ACYP2: variants seen among roughly 807,000 people sequenced by gnomAD.
ACYP2 encodes acylphosphatase-2.
Under a neutral mutation model 11.2 loss-of-function variants are expected in ACYP2, and 12 were observed. The observed-to-expected ratio is 1.08, with a 90% CI of 0.69 to 1.74. The LOEUF is 1.74. ACYP2 is among the 40% of genes most tolerant of loss of function. The probability of loss-of-function intolerance (pLI) is 0.00; values close to 1 mark genes in which losing one functional copy is unlikely to be tolerated. For missense variants in ACYP2, 134 were observed against 101.9 expected, an observed-to-expected ratio of 1.31 and a Z score of -1.35; for synonymous variants, 43 against 32.2, an observed-to-expected ratio of 1.33 and a Z score of -1.13.
At chr2:54,228,258 A>C (rs1053486057) in intron 6 of ACYP2, among the ~76,000 whole-genome samples, 2 of 152,244 alleles carry the variant, frequency 1.3e-5, no homozygotes, top group African/African-American at 4.8e-5. Flanking sequence ...TCATTGAGCA[A>C]AGGTCTAAAG....
At chr2:54,164,518 G>C (rs1443346373) in intron 6 of ACYP2, among the ~76,000 whole-genome samples, 1 of 152,146 alleles carries the variant, frequency 6.6e-6, no homozygotes, top group Non-Finnish European at 1.5e-5. Context: ...ATAGGGAAGA[G>C]AGAAGACTGC....
intron 2 of ACYP2, among the ~76,000 whole-genome samples, chr2:54,004,902 A>C (rs918188554): frequency 3.1e-5 from 4 of 129,574 alleles, no homozygotes; most frequent in African/African-American, 1.1e-4. Context: ...CTCAAAAAAA[A>C]AAAAAAAAAA....
chr2:54,229,359 T>G (rs1432802564), intron 6 of ACYP2, among the ~76,000 whole-genome samples: 1 of 152,218 alleles, frequency 6.6e-6, no homozygotes, highest in African/African-American at 2.4e-5. Flanking sequence ...TTAAGAAATG[T>G]AGTATGTTAT....
At chr2:53,984,840 A>G (rs1671949803) in intron 2 of ACYP2, among the ~76,000 whole-genome samples, 1 of 151,822 alleles carries the variant, frequency 6.6e-6, no homozygotes, top group Non-Finnish European at 1.5e-5. Flanking sequence ...AAAAGCATTT[A>G]TTAGTCCATG....
intron 6 of ACYP2, among the ~76,000 whole-genome samples, chr2:54,246,884 G>A (rs1187785343): frequency 6.6e-6 from 1 of 152,028 alleles, no homozygotes; most frequent in East Asian, 1.9e-4. Flanking sequence ...TTCTACCATT[G>A]ATTTCAACAT....
intron 6 of ACYP2, among the ~76,000 whole-genome samples, chr2:54,175,990 G>C (rs928238923): frequency 6.6e-6 from 1 of 152,142 alleles, no homozygotes; most frequent in African/African-American, 2.4e-5. Context: ...CCTTTACCAT[G>C]TGAGGATACA....
At chr2:54,006,303 A>C (rs1673059974) in intron 2 of ACYP2, among the ~76,000 whole-genome samples, 1 of 151,950 alleles carries the variant, frequency 6.6e-6, no homozygotes, top group South Asian at 2.1e-4. Context: ...TCCTGCTACC[A>C]CGCCCGGCTA....
intron 6 of ACYP2, among the ~76,000 whole-genome samples, chr2:54,188,702 G>T (rs1461658783): frequency 6.6e-6 from 1 of 152,084 alleles, no homozygotes; most frequent in African/African-American, 2.4e-5. Context: ...CACAAGTATG[G>T]TCCATGGCCA....
chr2:54,231,766 C>T (rs1247234380), intron 6 of ACYP2, among the ~76,000 whole-genome samples: 1 of 152,188 alleles, frequency 6.6e-6, no homozygotes, highest in African/African-American at 2.4e-5. Flanking sequence ...TAAGAAAATG[C>T]TTTTGATGTA....
chr2:54,019,050 T>TA (rs1329481319), intron 2 of ACYP2, among the ~76,000 whole-genome samples: 6 of 151,184 alleles, frequency 4.0e-5, no homozygotes, highest in Non-Finnish European at 7.4e-5. Flanking sequence ...TGGCCTATTT[T>TA]TTTATTATTA....
chr2:54,051,812 A>G (rs983110865), intron 3 of ACYP2: 2 of 378,554 alleles, frequency 5.3e-6, no homozygotes, highest in Admixed American at 4.1e-5. Context: ...TGGGAGGCCG[A>G]GGCAGGAAAA....
At chr2:54,203,102 T>A (rs1684924234) in intron 6 of ACYP2, among the ~76,000 whole-genome samples, 1 of 152,132 alleles carries the variant, frequency 6.6e-6, no homozygotes, top group African/African-American at 2.4e-5. Flanking sequence ...TTCATAAGCT[T>A]GGGATTGTCT....
chr2:54,280,328 A>C (rs1490662258), intron 6 of ACYP2, among the ~76,000 whole-genome samples: 2 of 152,192 alleles, frequency 1.3e-5, no homozygotes, highest in Non-Finnish European at 2.9e-5. Context: ...GCCAAGTTTC[A>C]GAATGCAGGA....
chr2:54,012,869 T>A lies in ACYP2; in HGVS notation c.63-38089T>A, dbSNP rs530810295. On this transcript the variant is annotated intron_variant, in intron 2 of 6. Transcript: ENST00000607452. The stretch of plus-strand genomic sequence containing the variant: ...CCATCTCGTTCAGAGTGAAAGCTGG[T>A]GTTCACAGTAGCCTACAAGGCCCTG... Among the ~76,000 whole-genome samples the A allele has an allele frequency of 5.9e-5, 9 of 152,206 alleles. No homozygotes were observed. In the East Asian group the frequency reaches 1.7e-3, roughly 29 times the overall value.
At chr2:54,264,644 G>A (rs544645412) in intron 6 of ACYP2, among the ~76,000 whole-genome samples, 1 of 152,318 alleles carries the variant, frequency 6.6e-6, no homozygotes, top group South Asian at 2.1e-4. Flanking sequence ...TCTGGAGATG[G>A]GTGGATGCAT....
intron 6 of ACYP2, among the ~76,000 whole-genome samples, chr2:54,202,940 G>T (rs989226931): frequency 6.6e-6 from 1 of 151,540 alleles, no homozygotes; most frequent in Non-Finnish European, 1.5e-5. Flanking sequence ...AGATTGTTAC[G>T]GCTATTCGTG....
intron 2 of ACYP2, among the ~76,000 whole-genome samples, chr2:54,017,884 A>G (rs573179944): frequency 3.0e-4 from 45 of 151,992 alleles, no homozygotes; most frequent in African/African-American, 9.4e-4. Context: ...TTTTTTTTTC[A>G]AAACAGGGTC....
At chr2:54,168,611 A>G (rs1572882639) in intron 6 of ACYP2, among the ~76,000 whole-genome samples, 1 of 96,136 alleles carries the variant, frequency 1.0e-5, no homozygotes, top group South Asian at 5.2e-4. Context: ...TAATATTTAG[A>G]CAGGTGTAGT....
At chr2:54,133,036 AC>A (rs1038945817) in intron 4 of ACYP2, among the ~76,000 whole-genome samples, 4 of 151,978 alleles carry the variant, frequency 2.6e-5, no homozygotes, top group African/African-American at 9.7e-5. Context: ...GAGCCACCAC[AC>A]CCGGCCCAAT....
Sources: gnomAD v4.1 joint callset for allele counts (sites outside exome capture counted in the v4.1 genomes callset) on GRCh38, gnomAD v4.1.1 for gene constraint, MANE v1.5 for transcripts, NCBI Gene and HGNC (gene_info 2026-07-23, HGNC 2026-07-21) for gene names.